The following SRD5A2 variants were observed in gnomAD, a reference collection of about 807,000 sequenced individuals.
SRD5A2 encodes steroid 5 alpha-reductase 2.
A neutral mutation model predicts 27.4 loss-of-function variants in SRD5A2; 30 were observed. The ratio of observed to expected loss-of-function variants is 1.10; its 90% CI spans 0.82 to 1.49. The LOEUF (loss-of-function observed/expected upper bound fraction) is 1.49, where lower values mean the gene tolerates loss of function less well. Among genes scored for constraint, SRD5A2 ranks in the 40% most tolerant of loss-of-function variants. The pLI is 0.00. For synonymous variants in SRD5A2, 141 were observed against 133.6 expected (o/e 1.06, Z -0.38); for missense variants, 348 against 323.4 (o/e 1.08, Z -0.58).
In SRD5A2 at chr2:31,538,875, G is replaced by C. The variant is rs74808867; in HGVS notation, c.282-5109C>G. Among the ~76,000 whole-genome samples, 531 of 152,330 alleles carry C rather than the reference G, an allele frequency of 3.5e-3. 5 individuals carry two copies. The highest frequency in any genetic ancestry group is 0.012 in the African/African-American group (512 of 41,570). On this transcript the variant is annotated intron_variant, in intron 1 of 4. Transcript: ENST00000622030. ...CACAAGAATGTATGCACCATAAAGA[G>C]AGAAATGTTATCTATTTTGTTCATC...
At chr2:31,559,592 A>G (rs1398891264) in intron 1 of SRD5A2, among the ~76,000 whole-genome samples, 2 of 152,156 alleles carry the variant, frequency 1.3e-5, no homozygotes, top group Non-Finnish European at 2.9e-5. Flanking sequence ...TTAAAAAAAG[A>G]AAAAGAAAAG....
At chr2:31,529,814 C>T (rs1665865662) in intron 3 of SRD5A2, among the ~76,000 whole-genome samples, 1 of 152,136 alleles carries the variant, frequency 6.6e-6, no homozygotes, top group South Asian at 2.1e-4. Context: ...CCACCTCTTA[C>T]CTCCCCGCTC....
chr2:31,601,839 C>A, the SRD5A2 span, among the ~76,000 whole-genome samples: 1 of 151,962 alleles, frequency 6.6e-6, no homozygotes, highest in Non-Finnish European at 1.5e-5. Context: ...GCAGAAAGGG[C>A]CTTCAATAAA....
chr2:31,638,491 G>C, the SRD5A2 span, among the ~76,000 whole-genome samples: 3 of 151,946 alleles, frequency 2.0e-5, no homozygotes, highest in South Asian at 6.2e-4. Context: ...TTTTCTGTCT[G>C]GATGATCTGT....
the SRD5A2 span, among the ~76,000 whole-genome samples, chr2:31,643,747 G>A: frequency 1.3e-5 from 2 of 152,124 alleles, no homozygotes; most frequent in African/African-American, 4.8e-5. Context: ...TAAATCTGGG[G>A]AAATTTGAGC....
At chr2:31,533,826 C>A in intron 1 of SRD5A2, 60 bp from the exon 2 acceptor site, 2 of 1,528,722 alleles carry the variant, frequency 1.3e-6, no homozygotes, top group Non-Finnish European at 8.8e-7. Context: ...TGGTCTCATC[C>A]CCACCTCTTT....
chr2:31,617,227 G>A, the SRD5A2 span, among the ~76,000 whole-genome samples: 1 of 151,758 alleles, frequency 6.6e-6, no homozygotes, highest in Admixed American at 6.6e-5. Context: ...CAAGGCTTGG[G>A]ACTTGTAACA....
chr2:31,552,061 A>G (rs1405142877), intron 1 of SRD5A2, among the ~76,000 whole-genome samples: 9 of 151,844 alleles, frequency 5.9e-5, no homozygotes. Context: ...GACTTCATCA[A>G]AATTTAAAAC....
At chr2:31,598,964 A>G in the SRD5A2 span, among the ~76,000 whole-genome samples, 1 of 152,102 alleles carries the variant, frequency 6.6e-6, no homozygotes, top group Admixed American at 6.6e-5. Flanking sequence ...ATTGAAAATA[A>G]ATGAATGGAA....
At chr2:31,603,512 A>G in the SRD5A2 span, among the ~76,000 whole-genome samples, 1 of 152,034 alleles carries the variant, frequency 6.6e-6, no homozygotes, top group Non-Finnish European at 1.5e-5. Flanking sequence ...AGAGGCAAAA[A>G]TACCATTTGA....
intron 1 of SRD5A2, among the ~76,000 whole-genome samples, chr2:31,580,199 G>C (rs933436185): frequency 1.3e-5 from 2 of 152,188 alleles, no homozygotes; most frequent in Non-Finnish European, 2.9e-5. Context: ...ACCCTGCAAG[G>C]AAAAGGTGAA....
chr2:31,594,828 T>C, the SRD5A2 span, among the ~76,000 whole-genome samples: 1 of 152,108 alleles, frequency 6.6e-6, no homozygotes, highest in Non-Finnish European at 1.5e-5. Flanking sequence ...TCTCAATAAA[T>C]TTAAGACAAT....
the SRD5A2 span, among the ~76,000 whole-genome samples, chr2:31,620,762 G>C: frequency 6.6e-6 from 1 of 150,948 alleles, no homozygotes; most frequent in Non-Finnish European, 1.5e-5. Flanking sequence ...TAGAGGAAAG[G>C]ATGGGCTGCA....
the SRD5A2 span, among the ~76,000 whole-genome samples, chr2:31,611,613 T>A: frequency 6.6e-6 from 1 of 152,150 alleles, no homozygotes; most frequent in Admixed American, 6.6e-5. Flanking sequence ...ATCCTGAAAC[T>A]GCAAATTAAA....
chr2:31,613,677 T>A, the SRD5A2 span, among the ~76,000 whole-genome samples: 1 of 152,116 alleles, frequency 6.6e-6, no homozygotes, highest in Non-Finnish European at 1.5e-5. Flanking sequence ...TGTACCTGAA[T>A]TAGTCTGTTC....
chr2:31,581,407 A>G (rs1031798036), upstream of SRD5A2, among the ~76,000 whole-genome samples: 9 of 151,792 alleles, frequency 5.9e-5, no homozygotes, highest in Non-Finnish European at 1.0e-4. Flanking sequence ...CTCCCACCCA[A>G]CATAGGACCT....
At chr2:31,650,182 T>C in the SRD5A2 span, among the ~76,000 whole-genome samples, 2 of 152,096 alleles carry the variant, frequency 1.3e-5, no homozygotes, top group South Asian at 2.1e-4. Flanking sequence ...CCTGCAGACA[T>C]AGACCTCCCA....
the SRD5A2 span, among the ~76,000 whole-genome samples, chr2:31,632,232 C>G: frequency 0.021 from 3,216 of 152,124 alleles, 39 homozygotes; most frequent in South Asian, 0.029. Flanking sequence ...GGACAAACGA[C>G]ATAAGAAAAA....
chr2:31,531,621 A>C (rs968215874), intron 2 of SRD5A2, 149 bp from the exon 3 acceptor site: 2 of 521,682 alleles, frequency 3.8e-6, no homozygotes, highest in Non-Finnish European at 6.7e-6. Flanking sequence ...TGGGGAGGGC[A>C]ATGAGTCCTG....
Sources: allele counts gnomAD v4.1 joint callset (sites outside exome capture counted in the v4.1 genomes callset), GRCh38; gene constraint gnomAD v4.1.1; transcripts MANE v1.5; gene names NCBI Gene and HGNC (gene_info 2026-07-23, HGNC 2026-07-21).